The following SLC75A1 variants were observed in gnomAD, a reference collection of about 807,000 sequenced individuals.
The protein encoded by SLC75A1 is solute carrier family 75 member 1.
At chr4:2,933,738 A>T in the SLC75A1 span, 1 of 1,604,106 alleles carries the variant, frequency 6.2e-7, no homozygotes, top group Non-Finnish European at 8.5e-7. Context: ...TGTGGGCCGC[A>T]GGGCAAGGAC....
At chr4:2,932,071 C>T in the SLC75A1 span, 14 of 1,610,746 alleles carry the variant, frequency 8.7e-6, no homozygotes, top group Middle Eastern at 3.3e-4. Flanking sequence ...GTCCTGGCCA[C>T]GAGCGACAGC....
chr4:2,933,592 C>T, the SLC75A1 span: 1 of 1,613,832 alleles, frequency 6.2e-7, no homozygotes, highest in Non-Finnish European at 8.5e-7. Flanking sequence ...TGTTGTACCT[C>T]TTCTCCACTG....
At chr4:2,932,975 C>G in the SLC75A1 span, 3 of 1,042,810 alleles carry the variant, frequency 2.9e-6, no homozygotes, top group Admixed American at 8.3e-5. Flanking sequence ...GAACCCCCTC[C>G]AGGATGCGAT....
chr4:2,931,289 C>T, the SLC75A1 span: 11 of 1,551,122 alleles, frequency 7.1e-6, no homozygotes, highest in Non-Finnish European at 9.6e-6. Context: ...TGGGAGACAT[C>T]GAGGAGGTGC....
At chr4:2,932,056 G>A in the SLC75A1 span, 2 of 1,611,032 alleles carry the variant, frequency 1.2e-6, no homozygotes, top group South Asian at 1.1e-5. Flanking sequence ...GTCTCCAGAG[G>A]GTGGGTCCTG....
At chr4:2,931,520 A>G in the SLC75A1 span, 2 of 1,599,072 alleles carry the variant, frequency 1.3e-6, no homozygotes, top group African/African-American at 1.3e-5. Context: ...GACTCAGGGG[A>G]CTGCCTGCCA....
chr4:2,931,239 C>T, the SLC75A1 span: 4 of 1,564,230 alleles, frequency 2.6e-6, no homozygotes, highest in African/African-American at 4.1e-5. Context: ...TAGCCAGCGA[C>T]CACGGAGGAC....
At chr4:2,933,290 C>G in the SLC75A1 span, 1 of 1,379,010 alleles carries the variant, frequency 7.3e-7, no homozygotes, top group Non-Finnish European at 1.0e-6. Context: ...AATGTCCAGC[C>G]CCGTCCTGAG....
chr4:2,931,608 C>G, the SLC75A1 span: 1 of 1,613,614 alleles, frequency 6.2e-7, no homozygotes, highest in Non-Finnish European at 8.5e-7. Context: ...GCATAGGCAC[C>G]CTGGATGGTG....
chr4:2,933,834 G>C, the SLC75A1 span: 19 of 1,590,646 alleles, frequency 1.2e-5, no homozygotes, highest in African/African-American at 1.9e-4. Flanking sequence ...GCAGGAGGCC[G>C]AGAAAGACAA....
chr4:2,931,526 T>C, the SLC75A1 span: 3 of 1,602,626 alleles, frequency 1.9e-6, no homozygotes, highest in Non-Finnish European at 2.6e-6. Flanking sequence ...GGGGACTGCC[T>C]GCCACCCGCT....
the SLC75A1 span, chr4:2,932,516 G>A: frequency 1.9e-6 from 3 of 1,613,610 alleles, no homozygotes; most frequent in Non-Finnish European, 2.5e-6. Flanking sequence ...TGACCGCCTA[G>A]GGAAAAGACC....
chr4:2,932,930 G>C, the SLC75A1 span: 1 of 1,062,708 alleles, frequency 9.4e-7, no homozygotes, highest in Non-Finnish European at 1.3e-6. Context: ...CTCCTTGAAA[G>C]CCTGGCTCTG....
the SLC75A1 span, chr4:2,933,088 C>T: frequency 6.2e-7 from 1 of 1,610,748 alleles, no homozygotes; most frequent in Middle Eastern, 1.7e-4. Context: ...CCATGGGCAC[C>T]CAGGCCCAGG....
At chr4:2,931,084 G>A in the SLC75A1 span, 100 of 1,598,006 alleles carry the variant, frequency 6.3e-5, no homozygotes, top group South Asian at 1.7e-4. Flanking sequence ...CAGGGGCCCC[G>A]CGGCCCTGGC....
At chr4:2,931,905 G>C in the SLC75A1 span, 9 of 1,611,150 alleles carry the variant, frequency 5.6e-6, no homozygotes, top group South Asian at 7.7e-5. Flanking sequence ...AGAGGAAGTA[G>C]ACTAGGCCCA....
chr4:2,933,813 C>G, the SLC75A1 span: 2 of 1,590,266 alleles, frequency 1.3e-6, no homozygotes, highest in Non-Finnish European at 1.7e-6. Context: ...GCGTGAAGGC[C>G]AGGAGGTCCA....
At chr4:2,930,836 A>G in the SLC75A1 span, 1 of 1,612,918 alleles carries the variant, frequency 6.2e-7, no homozygotes, top group Non-Finnish European at 8.5e-7. Context: ...ACAGTGGCTC[A>G]GCTACTCAGC....
the SLC75A1 span, chr4:2,932,085 G>T: frequency 6.2e-7 from 1 of 1,611,104 alleles, no homozygotes. Flanking sequence ...CGACAGCCGA[G>T]AAGCGCAGCA....
Sources: allele counts gnomAD v4.1 joint callset, GRCh38; gene constraint gnomAD v4.1.1; transcripts MANE v1.5; gene names NCBI Gene and HGNC (gene_info 2026-07-23, HGNC 2026-07-21).